The following CELF2 variants were observed in gnomAD, a reference collection of about 807,000 sequenced individuals.
CELF2 encodes the protein CUG triplet repeat RNA-binding protein 2.
In CELF2, 8 loss-of-function variants were observed where a neutral mutation model predicts 62.6. The observed-to-expected ratio is 0.13, with a 90% CI of 0.07 to 0.23. CELF2 has a LOEUF of 0.23. Ranked by LOEUF, CELF2 falls within the 10% of genes least tolerant of loss-of-function variation. CELF2 has a pLI of 1.00. For missense variants in CELF2, 333 were observed against 671.0 expected (o/e 0.50, Z 5.56); for synonymous variants, 258 against 250.0 (o/e 1.03, Z -0.30).
At chr10:11,124,498 G>C (rs545531287) in intron 1 of CELF2, among the ~76,000 whole-genome samples, 1 of 152,140 alleles carries the variant, frequency 6.6e-6, no homozygotes, top group Non-Finnish European at 1.5e-5. Flanking sequence ...ATGTTTTTTA[G>C]ATCTAAAACA....
At chr10:10,530,519 C>G in the CELF2 span, among the ~76,000 whole-genome samples, 1 of 152,178 alleles carries the variant, frequency 6.6e-6, no homozygotes, top group Non-Finnish European at 1.5e-5. Flanking sequence ...CACAGCCCAG[C>G]AAGTCTCAGC....
At chr10:10,677,174 T>C in the CELF2 span, among the ~76,000 whole-genome samples, 1 of 152,202 alleles carries the variant, frequency 6.6e-6, no homozygotes. Context: ...AGTTACAGGA[T>C]GTTAATAAAA....
rs566453815 is a variant in CELF2, at chr10:10,988,489, T to C, written c.89+68490T>C. Among the ~76,000 whole-genome samples the C allele has an allele frequency of 2.0e-5, 3 of 152,170 alleles. No homozygotes were observed. The South Asian group carries it at 6.2e-4, about 32-fold the overall frequency. Reference sequence around the variant, plus strand: ...TGAGGATACAAAGGCATAAGAATGATATAATGGACTTTGAGGACTTGGTGG... The same window carrying C: ...TGAGGATACAAAGGCATAAGAATGACATAATGGACTTTGAGGACTTGGTGG... On this transcript the variant is annotated intron_variant, in intron 2 of 13. Coordinates refer to the CELF2 transcript ENST00000636488.
the CELF2 span, among the ~76,000 whole-genome samples, chr10:10,500,312 A>G: frequency 2.0e-5 from 3 of 152,204 alleles, no homozygotes; most frequent in African/African-American, 7.2e-5. Context: ...CCCTAATAGT[A>G]ACATCTTTCA....
chr10:11,315,071 T>C lies in CELF2; in HGVS notation c.1096+813T>C, dbSNP rs2094846679. ...ACCCGCTCCTGTCATTCTCGGTTGATGGGGGAGCAGTGTGCCGGCCAGAGG... is the reference window on the plus strand; with the variant it reads ...ACCCGCTCCTGTCATTCTCGGTTGACGGGGGAGCAGTGTGCCGGCCAGAGG... On this transcript the variant is annotated intron_variant, in intron 10 of 12. Coordinates refer to ENST00000633077, the MANE Select transcript of CELF2 (RefSeq NM_001326342.2). This position sits in a 1 kb window ranked among gnomAD's most constrained non-coding sequence, Gnocchi z 5.8. Among the ~76,000 whole-genome samples the C allele has an allele frequency of 6.6e-6, 1 of 152,108 alleles. No individual in the cohort carries two copies. The highest frequency in any genetic ancestry group is 1.5e-5 in the Non-Finnish European group (1 of 68,020).
Position 11,249,291 on chromosome 10 carries a change from G to C in CELF2, c.403+90G>C, listed in dbSNP as rs142595841. 1.2e-4 allele frequency: 122 copies of C among 1,044,748 alleles called. No homozygotes were observed. In the African/African-American group the frequency reaches 1.8e-3, roughly 16 times the overall value. The allele number at this position is 1,044,748 out of a possible 1,614,324, so 64.7% of individuals were successfully genotyped here. ...GGGGGCGGGAGAAGCCGGCCCAGCT[G>C]CTTTTCTCTCTAGAGGACAGAGAGC... is the stretch of plus-strand genomic sequence containing the variant. On this transcript the variant is annotated intron_variant, in intron 4 of 12. Transcript: ENST00000633077.
At chr10:10,689,317 A>C in the CELF2 span, among the ~76,000 whole-genome samples, 2 of 152,096 alleles carry the variant, frequency 1.3e-5, no homozygotes, top group Non-Finnish European at 2.9e-5. Context: ...ACACTTTTAA[A>C]CCATCAGATC....
At chr10:11,106,363 A>C (rs1406083351) in intron 1 of CELF2, among the ~76,000 whole-genome samples, 1 of 152,100 alleles carries the variant, frequency 6.6e-6, no homozygotes, top group Non-Finnish European at 1.5e-5. Context: ...CAGCCTCCCA[A>C]GTAGCTGGGA....
chr10:11,307,624 C>T (rs1055628060), intron 9 of CELF2, among the ~76,000 whole-genome samples: 1 of 152,158 alleles, frequency 6.6e-6, no homozygotes, highest in African/African-American at 2.4e-5. Context: ...CCTTCTTCTT[C>T]CTCCGTTTAA....
intron 1 of CELF2, among the ~76,000 whole-genome samples, chr10:10,836,568 A>T (rs193225299): frequency 6.6e-6 from 1 of 152,348 alleles, no homozygotes; most frequent in East Asian, 1.9e-4. Context: ...TTTTTATTTA[A>T]TTCTGTGATT....
chr10:11,127,720 T>G (rs1335738043), intron 1 of CELF2, among the ~76,000 whole-genome samples: 1 of 152,216 alleles, frequency 6.6e-6, no homozygotes, highest in African/African-American at 2.4e-5. Context: ...TCATATCCTT[T>G]GCCCACTTTT....
the CELF2 span, among the ~76,000 whole-genome samples, chr10:10,603,778 T>TACAC: frequency 7.6e-6 from 1 of 131,476 alleles, no homozygotes; most frequent in Non-Finnish European, 1.6e-5. Context: ...CTAGGATATT[T>TACAC]ACACATACAC....
intron 3 of CELF2, among the ~76,000 whole-genome samples, chr10:11,218,366 A>G (rs2063871306): frequency 6.6e-6 from 1 of 152,222 alleles, no homozygotes; most frequent in South Asian, 2.1e-4. Flanking sequence ...TAATGTTTTC[A>G]GGGTATAATT....
chr10:10,968,910 T>C (rs75767358), intron 2 of CELF2, among the ~76,000 whole-genome samples: 4,298 of 152,338 alleles, frequency 0.028, 68 homozygotes, highest in Non-Finnish European at 0.042. Context: ...TAATAAGTTA[T>C]AATGACTCTA....
At chr10:11,189,836 G>A (rs368915612) in intron 2 of CELF2, among the ~76,000 whole-genome samples, 1 of 152,186 alleles carries the variant, frequency 6.6e-6, no homozygotes, top group Non-Finnish European at 1.5e-5. Flanking sequence ...AGTGGCACAC[G>A]TTGACTCAGA....
the CELF2 span, among the ~76,000 whole-genome samples, chr10:10,553,231 G>C: frequency 6.6e-6 from 1 of 152,186 alleles, no homozygotes; most frequent in Non-Finnish European, 1.5e-5. Context: ...GTCAGATCTC[G>C]TGAGACTTAA....
the CELF2 span, among the ~76,000 whole-genome samples, chr10:10,592,166 A>G: frequency 6.6e-6 from 1 of 152,232 alleles, no homozygotes; most frequent in African/African-American, 2.4e-5. Context: ...GCTTAAAATA[A>G]TGAGATACTC....
chr10:10,894,494 A>G (rs1368727969), intron 1 of CELF2, among the ~76,000 whole-genome samples: 1 of 152,210 alleles, frequency 6.6e-6, no homozygotes, highest in Non-Finnish European at 1.5e-5. Context: ...CCACAGATAT[A>G]TGGCAAAGTT....
At chr10:10,767,204 C>A in the CELF2 span, among the ~76,000 whole-genome samples, 1 of 152,128 alleles carries the variant, frequency 6.6e-6, no homozygotes, top group Non-Finnish European at 1.5e-5. Flanking sequence ...CAACAACCAA[C>A]AGTACCGCCA....
Sources: allele counts gnomAD v4.1 joint callset (sites outside exome capture counted in the v4.1 genomes callset), GRCh38; gene constraint gnomAD v4.1.1; non-coding constraint Gnocchi (gnomAD v3.1); transcripts MANE v1.5; gene names NCBI Gene and HGNC (gene_info 2026-07-23, HGNC 2026-07-21).